CLEC6A: variants seen among roughly 807,000 people sequenced by gnomAD.
CLEC6A encodes the protein C-type lectin domain family 6 member A.
A neutral mutation model predicts 25.7 loss-of-function variants in CLEC6A; 22 were observed. The ratio of observed to expected loss-of-function variants is 0.85; its 90% CI spans 0.61 to 1.22. The LOEUF is 1.22. Among genes scored for constraint, CLEC6A ranks in the 50% most tolerant of loss-of-function variants. CLEC6A has a pLI of 0.00. For synonymous variants in CLEC6A, 92 were observed against 76.7 expected (o/e 1.20, Z -1.04); for missense variants, 240 against 236.8 (o/e 1.01, Z -0.09).
chr12:8,475,432 G>A (rs200655022), intron 4 of CLEC6A, among the ~76,000 whole-genome samples: 1 of 151,712 alleles, frequency 6.6e-6, no homozygotes, highest in East Asian at 1.9e-4. Context: ...ACATGATTAC[G>A]TAGGCTAAGA....
intron 1 of CLEC6A, among the ~76,000 whole-genome samples, chr12:8,457,216 A>C (rs1939688482): frequency 6.6e-6 from 1 of 152,072 alleles, no homozygotes. Context: ...ACCCTTCTCT[A>C]TCTTCTCTTC....
intron 4 of CLEC6A, among the ~76,000 whole-genome samples, chr12:8,466,125 A>G (rs968679536): frequency 6.6e-6 from 1 of 152,192 alleles, no homozygotes; most frequent in African/African-American, 2.4e-5. Context: ...AGTAGTATAT[A>G]TTTAAGGTGT....
chr12:8,468,469 T>C (rs1048760468), intron 4 of CLEC6A, among the ~76,000 whole-genome samples: 2 of 152,234 alleles, frequency 1.3e-5, no homozygotes, highest in Non-Finnish European at 2.9e-5. Context: ...CTTATTTGGA[T>C]AATTTTTTTC....
chr12:8,456,050 A>G lies in CLEC6A; in HGVS notation c.-62A>G. Reference sequence around the variant, plus strand: ...TTAAATGAAGCTGAGTCTCTGGGCAACATCTTTAGGGAGAGAGGTACAAAA... The same window carrying G: ...TTAAATGAAGCTGAGTCTCTGGGCAGCATCTTTAGGGAGAGAGGTACAAAA... On this transcript the variant is annotated 5_prime_UTR_variant, in exon 1 of 6. Coordinates refer to ENST00000382073, the MANE Select transcript of CLEC6A (RefSeq NM_001007033.2). 5.2e-6 allele frequency: 8 copies of G among 1,551,418 alleles called. No homozygotes were observed. The South Asian group carries it at 9.0e-5, about 17-fold the overall frequency.
At chr12:8,459,481 C>A in intron 2 of CLEC6A, 116 bp from the exon 3 acceptor site, 1 of 632,114 alleles carries the variant, frequency 1.6e-6, no homozygotes, top group Non-Finnish European at 2.9e-6. Context: ...TTTTATGGGG[C>A]TTGCCTAGAG....
chr12:8,460,744 A>T (rs1939742416), intron 3 of CLEC6A: 37 of 1,442,404 alleles, frequency 2.6e-5, no homozygotes, highest in Non-Finnish European at 3.4e-5. Context: ...TCCCCACCCC[A>T]CCTGGCCTGA....
At chr12:8,470,044 G>A (rs976838353) in intron 4 of CLEC6A, among the ~76,000 whole-genome samples, 2 of 152,264 alleles carry the variant, frequency 1.3e-5, no homozygotes, top group East Asian at 3.9e-4. Context: ...TTCAACAAAA[G>A]ACTAATATCC....
intron 3 of CLEC6A, among the ~76,000 whole-genome samples, chr12:8,462,147 A>G (rs1304260158): frequency 6.6e-6 from 1 of 151,998 alleles, no homozygotes; most frequent in African/African-American, 2.4e-5. Context: ...GCTTTGTTAA[A>G]CAGATGCTTG....
intron 3 of CLEC6A, among the ~76,000 whole-genome samples, chr12:8,460,093 A>C (rs1939732990): frequency 6.6e-6 from 1 of 152,196 alleles, no homozygotes; most frequent in Non-Finnish European, 1.5e-5. Flanking sequence ...TTCCTGGTCA[A>C]ATTGGTTCAG....
At chr12:8,465,884 A>G (rs923910550) in intron 4 of CLEC6A, among the ~76,000 whole-genome samples, 2 of 152,192 alleles carry the variant, frequency 1.3e-5, no homozygotes, top group Non-Finnish European at 2.9e-5. Context: ...TGACTATTTT[A>G]AATACTTAAT....
rs1939992365 is a variant in CLEC6A, at chr12:8,477,464, A to G, written c.630A>G (p.Ter210TrpextTer4). The G allele has an allele frequency of 3.8e-6, 6 of 1,593,670 alleles. No individual in the cohort carries two copies. The highest frequency in any genetic ancestry group is 5.1e-6 in the Non-Finnish European group (6 of 1,172,460). ...SICEMNKIYL[*>W] ...GTGAGATGAATAAGATTTACCTATG[A>G]GTAGAAGCTTAATTGGAAAGAAGAG... The change falls in exon 6 of 6, where the codon TGA (stop) becomes TGG (tryptophan). Residue 210 changes from the stop codon to tryptophan, a stop_lost. Coordinates refer to ENST00000382073, the MANE Select transcript of CLEC6A (RefSeq NM_001007033.2).
chr12:8,456,036 T>G lies in CLEC6A; in HGVS notation c.-76T>G. ...GAGCTCTAGCTTCTTTAAATGAAGC[T>G]GAGTCTCTGGGCAACATCTTTAGGG... On this transcript the variant is annotated 5_prime_UTR_variant, in exon 1 of 6. Coordinates refer to ENST00000382073, the MANE Select transcript of CLEC6A (RefSeq NM_001007033.2). The G allele has an allele frequency of 7.0e-7, 1 of 1,438,546 alleles. No individual in the cohort carries two copies. Among genetic ancestry groups the G allele is most frequent in the Non-Finnish European group, 9.8e-7 (1 of 1,022,720 alleles). 89.1% of individuals were successfully genotyped at this position (1,438,546 alleles called of 1,614,324 possible).
Position 8,477,591 on chromosome 12 carries a change from A to C in CLEC6A, c.*127A>C. ...TTTACACATAATCCTTATGTTATAGAGGTTCACAGAAATGGAAAGATACCT... is the reference window on the plus strand; with the variant it reads ...TTTACACATAATCCTTATGTTATAGCGGTTCACAGAAATGGAAAGATACCT... On this transcript the variant is annotated 3_prime_UTR_variant, in exon 6 of 6. Transcript: ENST00000382073. 1 of 638,906 alleles carries C rather than the reference A, an allele frequency of 1.6e-6. No homozygotes were observed. The highest frequency in any genetic ancestry group is 2.5e-6 in the Non-Finnish European group (1 of 406,432). The allele number at this position is 638,906 out of a possible 1,614,324, so 39.6% of individuals were successfully genotyped here. A position where few individuals can be genotyped will look rare whatever the true frequency, so the allele number is the denominator to read the frequency against.
intron 5 of CLEC6A, 128 bp from the exon 6 acceptor site, chr12:8,477,192 A>G (rs776455809): frequency 4.0e-5 from 28 of 698,288 alleles, no homozygotes; most frequent in African/African-American, 2.4e-4. Context: ...GTAGTATGAG[A>G]AGAAGGAACA....
chr12:8,465,620 A>G lies in CLEC6A; in HGVS notation c.360A>G (p.Glu120=). Residue 120 remains glutamate (E), a synonymous_variant, in exon 4 of 6, where the codon GAA becomes GAG. Coordinates refer to ENST00000382073, the MANE Select transcript of CLEC6A (RefSeq NM_001007033.2). ...MGAHLVVFNT[E]AEQNFIVQQL... ...CACATTTGGTTGTGTTCAACACAGAAGCAGAGCAGGTACTGTTTCCATTTA... is the reference window on the plus strand; with the variant it reads ...CACATTTGGTTGTGTTCAACACAGAGGCAGAGCAGGTACTGTTTCCATTTA... 1.2e-6 allele frequency: 2 copies of G among 1,612,232 alleles called. No individual in the cohort carries two copies. The highest frequency in any genetic ancestry group is 1.1e-5 in the South Asian group (1 of 90,614).
At chr12:8,473,987 A>T (rs934291847) in intron 4 of CLEC6A, among the ~76,000 whole-genome samples, 1 of 151,846 alleles carries the variant, frequency 6.6e-6, no homozygotes, top group African/African-American at 2.4e-5. Context: ...CCTTTGCTGG[A>T]TGTGTAATTT....
intron 4 of CLEC6A, among the ~76,000 whole-genome samples, chr12:8,467,931 C>T (rs916894688): frequency 4.0e-5 from 6 of 151,698 alleles, no homozygotes; most frequent in Non-Finnish European, 7.4e-5. Context: ...TTTGATGCTA[C>T]TTTATTTATT....
At chr12:8,459,272 G>A (rs915506373) in intron 2 of CLEC6A, among the ~76,000 whole-genome samples, 1 of 152,054 alleles carries the variant, frequency 6.6e-6, no homozygotes, top group Non-Finnish European at 1.5e-5. Flanking sequence ...CATAGTAGGT[G>A]TATATATTTA....
chr12:8,466,291 T>C (rs1449544347), intron 4 of CLEC6A, among the ~76,000 whole-genome samples: 1 of 152,268 alleles, frequency 6.6e-6, no homozygotes, highest in Non-Finnish European at 1.5e-5. Flanking sequence ...TACTTGTCAA[T>C]TGTCACTTAG....
Sources: gnomAD v4.1 joint callset for allele counts (sites outside exome capture counted in the v4.1 genomes callset) on GRCh38, gnomAD v4.1.1 for gene constraint, MANE v1.5 for transcripts, NCBI Gene and HGNC (gene_info 2026-07-23, HGNC 2026-07-21) for gene names.